Variants in RNF216 observed in about 807,000 individuals in gnomAD.
RNF216 encodes the protein E3 ubiquitin-protein ligase RNF216.
In RNF216, 72 loss-of-function variants were observed where a neutral mutation model predicts 110.8. That is an observed-to-expected ratio of 0.65 (90% CI 0.54 to 0.79). The LOEUF (loss-of-function observed/expected upper bound fraction) is 0.79, where lower values mean the gene tolerates loss of function less well. Among genes scored for constraint, RNF216 ranks in the 30% least tolerant of loss-of-function variants. The probability of loss-of-function intolerance (pLI) is 0.00; values close to 1 mark genes in which losing one functional copy is unlikely to be tolerated. For missense variants in RNF216, 1,342 were observed against 1,141.2 expected (o/e 1.18, Z -2.54); for synonymous variants, 495 against 407.5 (o/e 1.21, Z -2.59).
chr7:5,666,584 T>G (rs1303191549), intron 13 of RNF216: 1 of 152,196 alleles, frequency 6.6e-6, no homozygotes, highest in Non-Finnish European at 1.5e-5. Context: ...TGGCTGTGCA[T>G]GAGGTTGATT....
At chr7:5,699,526 T>C (rs1233815279) in intron 13 of RNF216, among the ~76,000 whole-genome samples, 2 of 152,268 alleles carry the variant, frequency 1.3e-5, no homozygotes, top group Non-Finnish European at 2.9e-5. Flanking sequence ...TCTGACAGAA[T>C]TGAACACTAG....
chr7:5,689,058 C>A (rs1791162179), intron 13 of RNF216, among the ~76,000 whole-genome samples: 1 of 152,150 alleles, frequency 6.6e-6, no homozygotes, highest in African/African-American at 2.4e-5. Context: ...CATAAAAGAA[C>A]AGGCTGCCGA....
At chr7:5,757,943 C>A (rs1198615509) in intron 2 of RNF216, among the ~76,000 whole-genome samples, 1 of 152,080 alleles carries the variant, frequency 6.6e-6, no homozygotes, top group African/African-American at 2.4e-5. Flanking sequence ...TCACTTGAGC[C>A]CAGCAGTTCA....
rs370335998 is a variant in RNF216, at chr7:5,716,665, A to T, written c.1695+51T>A. 4.8e-5 allele frequency: 69 copies of T among 1,435,098 alleles called. No individual in the cohort carries two copies. In the African/African-American group the frequency reaches 9.6e-4, roughly 20 times the overall value. 88.9% of individuals were successfully genotyped at this position (1,435,098 alleles called of 1,614,324 possible). On this transcript the variant is annotated intron_variant, in intron 10 of 16. Transcript: ENST00000389902. ...AAATGCTGACAAAACATGGTAAGAG[A>T]AAACAGCCCATGAAAATGCCCAGAA...
At chr7:5,747,843 A>G (rs536794368) in intron 3 of RNF216, among the ~76,000 whole-genome samples, 1 of 152,024 alleles carries the variant, frequency 6.6e-6, no homozygotes, top group South Asian at 2.1e-4. Flanking sequence ...TAGTGGCACA[A>G]TCATAGCTCA....
intron 13 of RNF216, among the ~76,000 whole-genome samples, chr7:5,686,561 C>T (rs534926074): frequency 7.2e-5 from 11 of 152,208 alleles, no homozygotes; most frequent in Admixed American, 2.0e-4. Context: ...GTACAATGCA[C>T]GCCAGTGTTC....
Position 5,758,232 on chromosome 7 carries a change from G to A in RNF216, c.67+2771C>T, listed in dbSNP as rs548796324. ...ATGTACAGAAAATTTTGAAATGATCGTAAATACAAGTTATAACTAAGATTT... is the reference window on the plus strand; with the variant it reads ...ATGTACAGAAAATTTTGAAATGATCATAAATACAAGTTATAACTAAGATTT... On this transcript the variant is annotated intron_variant, in intron 2 of 16. Coordinates refer to ENST00000389902, the MANE Select transcript of RNF216 (RefSeq NM_207111.4). 4.6e-5 allele frequency among the ~76,000 whole-genome samples: 7 copies of A among 152,202 alleles called. No individual in the cohort carries two copies. In the South Asian group the frequency reaches 1.0e-3, roughly 23 times the overall value.
intron 14 of RNF216, chr7:5,650,150 T>C (rs1398773719): frequency 6.6e-6 from 1 of 152,218 alleles, no homozygotes; most frequent in African/African-American, 2.4e-5. Context: ...ATGATATCCC[T>C]TCCAAAGCTA....
rs930665308 is a variant in RNF216 at position 5,738,618 on chromosome 7, G to A, written c.1121+658C>T. ...AGCTACTCGGGAGGCTGAGGCAGGAGAATGGCCTGAACCTGGGAGGCGGAG... is the reference window on the plus strand; with the variant it reads ...AGCTACTCGGGAGGCTGAGGCAGGAAAATGGCCTGAACCTGGGAGGCGGAG... On this transcript the variant is annotated intron_variant, in intron 5 of 16. Coordinates refer to ENST00000389902, the MANE Select transcript of RNF216 (RefSeq NM_207111.4). 2.7e-5 allele frequency among the ~76,000 whole-genome samples: 4 copies of A among 149,250 alleles called. No individual in the cohort carries two copies. The Admixed American group carries it at 2.7e-4, about 10-fold the overall frequency.
At chr7:5,685,043 G>A (rs1584448067) in intron 13 of RNF216, among the ~76,000 whole-genome samples, 1 of 152,090 alleles carries the variant, frequency 6.6e-6, no homozygotes. Flanking sequence ...TCTTGCTGAT[G>A]GTGAGCCACG....
chr7:5,625,951 A>G (rs1217527537), intron 15 of RNF216, among the ~76,000 whole-genome samples: 1 of 152,238 alleles, frequency 6.6e-6, no homozygotes, highest in Non-Finnish European at 1.5e-5. Context: ...ACACTTGGAC[A>G]TTCTTAAGAT....
chr7:5,682,279 G>C (rs900671888), intron 13 of RNF216, among the ~76,000 whole-genome samples: 4 of 152,122 alleles, frequency 2.6e-5, no homozygotes, highest in African/African-American at 9.7e-5. Flanking sequence ...AATCACCTCA[G>C]AGGCTACTTG....
chr7:5,620,707 C>T lies in RNF216; in HGVS notation c.*2153G>A, dbSNP rs529968342. The T allele has an allele frequency of 6.6e-6, 1 of 152,416 alleles. No individual in the cohort carries two copies. The highest frequency in any genetic ancestry group is 2.4e-5 in the African/African-American group (1 of 41,462). 9.4% of individuals were successfully genotyped at this position (152,416 alleles called of 1,614,324 possible). A position where few individuals can be genotyped will look rare whatever the true frequency, so the allele number is the denominator to read the frequency against. On this transcript the variant is annotated 3_prime_UTR_variant, in exon 17 of 17. Coordinates refer to ENST00000389902, the MANE Select transcript of RNF216 (RefSeq NM_207111.4). Reference sequence around the variant, plus strand: ...GTTTGGCCTTAGGAGAAACATCACTCTGGGCTCCCCCTCCCCTGCCAGGGT... The same window carrying T: ...GTTTGGCCTTAGGAGAAACATCACTTTGGGCTCCCCCTCCCCTGCCAGGGT...
chr7:5,650,988 G>A (rs1788351015), intron 14 of RNF216, among the ~76,000 whole-genome samples: 1 of 152,178 alleles, frequency 6.6e-6, no homozygotes, highest in Admixed American at 6.5e-5. Context: ...CCCAACTACA[G>A]GCTACATACG....
At chr7:5,753,342 A>C (rs1795433590) in intron 2 of RNF216, among the ~76,000 whole-genome samples, 1 of 152,218 alleles carries the variant, frequency 6.6e-6, no homozygotes, top group African/African-American at 2.4e-5. Context: ...TGTCTATTTT[A>C]TTTAAATTGT....
intron 15 of RNF216, among the ~76,000 whole-genome samples, chr7:5,634,260 C>G (rs542524737): frequency 3.0e-4 from 44 of 147,130 alleles, no homozygotes; most frequent in African/African-American, 1.1e-3. Flanking sequence ...CCTTAGAAAG[C>G]TGACTGGGAA....
At chr7:5,644,943 G>C (rs2128570734) in intron 14 of RNF216, among the ~76,000 whole-genome samples, 1 of 151,292 alleles carries the variant, frequency 6.6e-6, no homozygotes, top group South Asian at 2.1e-4. Context: ...TCCAGCCTTA[G>C]CCTCCTGAGC....
rs114789855 is a variant in RNF216 at position 5,624,611 on chromosome 7, G to C, written c.2383-486C>G. Among the ~76,000 whole-genome samples, 121 of 152,332 alleles carry C rather than the reference G, an allele frequency of 7.9e-4. 1 individual carries two copies. Among genetic ancestry groups the C allele is most frequent in the African/African-American group, 2.8e-3 (115 of 41,588 alleles). On this transcript the variant is annotated intron_variant, in intron 15 of 16. Coordinates refer to ENST00000389902, the MANE Select transcript of RNF216 (RefSeq NM_207111.4). The surrounding 1 kb of genome is among the most constrained non-coding windows in gnomAD (Gnocchi z 4.4). ...AGTCGGGCCCTGCTTAGCCCCCAAG[G>C]CTGGCCTTGGCTCCTGGGCCAGGCC...
chr7:5,725,240 G>C (rs1314005618), intron 8 of RNF216, 84 bp downstream of exon 8: 1 of 816,724 alleles, frequency 1.2e-6, no homozygotes, highest in Non-Finnish European at 2.1e-6. Context: ...GCAGACACCT[G>C]TAGCACGGCT....
Sources: allele counts gnomAD v4.1 joint callset (sites outside exome capture counted in the v4.1 genomes callset), GRCh38; gene constraint gnomAD v4.1.1; non-coding constraint Gnocchi (gnomAD v3.1); transcripts MANE v1.5; gene names NCBI Gene and HGNC (gene_info 2026-07-23, HGNC 2026-07-21).